Variants in CNDP2 observed in about 807,000 individuals in gnomAD.
CNDP2 encodes the protein carnosine dipeptidase 2.
In CNDP2, 38 loss-of-function variants were observed where a neutral mutation model predicts 55.0. The ratio of observed to expected loss-of-function variants is 0.69; its 90% CI spans 0.53 to 0.90. The LOEUF (loss-of-function observed/expected upper bound fraction) is 0.90. CNDP2 is among the 40% of genes least tolerant of loss of function. The pLI is 0.00. For synonymous variants in CNDP2, 241 were observed against 260.2 expected (o/e 0.93, Z 0.71); for missense variants, 607 against 621.7 (o/e 0.98, Z 0.25).
At chr18:74,510,190 G>C (rs1305152624) in intron 5 of CNDP2, among the ~76,000 whole-genome samples, 1 of 152,236 alleles carries the variant, frequency 6.6e-6, no homozygotes, top group Non-Finnish European at 1.5e-5. Flanking sequence ...GAACAGGGCT[G>C]TCTGGGGGCA....
intron 4 of CNDP2, 47 bp from the exon 5 acceptor site, chr18:74,508,793 G>T: frequency 6.6e-7 from 1 of 1,511,338 alleles, no homozygotes; most frequent in Non-Finnish European, 9.2e-7. Flanking sequence ...GCTGCTTCTG[G>T]GTTCCTTGTA....
At chr18:74,499,174 CTG>C (rs1275981931) in intron 1 of CNDP2, among the ~76,000 whole-genome samples, 1 of 152,216 alleles carries the variant, frequency 6.6e-6, no homozygotes, top group African/African-American at 2.4e-5. Context: ...CTCCGTACAG[CTG>C]TGTGCTTTCT....
chr18:74,499,318 C>G (rs1470531189), intron 1 of CNDP2: 1 of 152,406 alleles, frequency 6.6e-6, no homozygotes, highest in African/African-American at 2.4e-5. Flanking sequence ...TGCTGGGTGT[C>G]ACACATGGAA....
In CNDP2 at chr18:74,519,209, C is replaced by A. The variant is rs8084887; in HGVS notation, c.1358+113C>A. 1,353 of 1,329,530 alleles carry A rather than the reference C, an allele frequency of 1.0e-3. 1 individual carries two copies. Among genetic ancestry groups the A allele is most frequent in the Non-Finnish European group, 1.3e-3 (1,282 of 990,880 alleles). The allele number at this position is 1,329,530 out of a possible 1,614,324, so 82.4% of individuals were successfully genotyped here. ...GAGAAGCAGGTGGGGGTGATGGCCC[C>A]GTGACCTGCCCTCCTGTATTTGTGT... is the stretch of plus-strand genomic sequence containing the variant. On this transcript the variant is annotated intron_variant, in intron 11 of 11. Transcript: ENST00000324262.
At chr18:74,519,150 G>T in intron 11 of CNDP2, 54 bp downstream of exon 11, 2 of 1,534,144 alleles carry the variant, frequency 1.3e-6, no homozygotes, top group Non-Finnish European at 8.8e-7. Context: ...CGTCCCTCTC[G>T]CCCCTTCCCC....
chr18:74,518,911 C>G, intron 10 of CNDP2, 38 bp from the exon 11 acceptor site: 3 of 1,607,008 alleles, frequency 1.9e-6, no homozygotes, highest in Non-Finnish European at 2.5e-6. Flanking sequence ...CCTTAGGGCC[C>G]CAAAGCTCAC....
At chr18:74,505,598 C>CAAAAATAAAAAAAA (rs1978966042) in intron 3 of CNDP2, among the ~76,000 whole-genome samples, 1 of 123,188 alleles carries the variant, frequency 8.1e-6, no homozygotes, top group African/African-American at 3.0e-5. Context: ...GATTCTGTCT[C>CAAAAATAAAAAAAA]AAAAAAAAAA....
At position 74,501,419 on chromosome 18, in the gene CNDP2, G is replaced by A; in HGVS notation, c.151G>A (p.Asp51Asn). 1 of 1,614,172 alleles carries A rather than the reference G, an allele frequency of 6.2e-7. No homozygotes were observed. Reference sequence around the variant, plus strand: ...GAGGATGATGGAAGTTGCTGCTGCAGATGTTAAGCAGTTGGGGGGCTCTGT... The same window carrying A: ...GAGGATGATGGAAGTTGCTGCTGCAAATGTTAAGCAGTTGGGGGGCTCTGT... ...IRRMMEVAAA[D>N]VKQLGGSVEL... The change falls in exon 3 of 12, where the codon GAT becomes AAT. Residue 51 changes from aspartate to asparagine, a missense_variant. Asp to Asn is a conservative substitution (Grantham distance 23). Coordinates refer to ENST00000324262, the MANE Select transcript of CNDP2 (RefSeq NM_018235.3).
chr18:74,500,777 G>A (rs1978646272), intron 2 of CNDP2, among the ~76,000 whole-genome samples: 1 of 152,178 alleles, frequency 6.6e-6, no homozygotes, highest in Non-Finnish European at 1.5e-5. Context: ...CGAGCTCCCT[G>A]AGTGCACAAT....
chr18:74,502,556 G>GCAT (rs1215279775), intron 3 of CNDP2, among the ~76,000 whole-genome samples: 1 of 151,386 alleles, frequency 6.6e-6, no homozygotes, highest in Non-Finnish European at 1.5e-5. Flanking sequence ...ACCTGCCTTG[G>GCAT]CATCCCAAAT....
At chr18:74,513,101 C>G (rs1018016215) in intron 7 of CNDP2, among the ~76,000 whole-genome samples, 2 of 152,248 alleles carry the variant, frequency 1.3e-5, no homozygotes, top group South Asian at 2.1e-4. Flanking sequence ...GTTTACCCCC[C>G]TCAGCTCAGG....
intron 3 of CNDP2, 27 bp from the exon 4 acceptor site, chr18:74,505,818 TGTCC>T: frequency 1.2e-6 from 2 of 1,612,340 alleles, no homozygotes; most frequent in Non-Finnish European, 1.7e-6. Context: ...AAACAAAGGC[TGTCC>T]TTGGTTCCTT....
rs1204885798 is a variant in CNDP2, at chr18:74,513,636, C to T, written c.820C>T (p.His274Tyr). 6.2e-7 allele frequency: 1 copy of T among 1,613,966 alleles called. No homozygotes were observed. The highest frequency in any genetic ancestry group is 1.7e-5 in the Admixed American group (1 of 60,004). ...CGTGGCCGCCGTCACGGAAGAGGAG[C>T]ACAAGCTGTACGACGACATCGACTT... The part of the protein sequence containing the change: ...EAVAAVTEEE[H>Y]KLYDDIDFDI... Residue 274 changes from histidine (H) to tyrosine (Y), a missense_variant, in exon 8 of 12, where the codon CAC (histidine) becomes TAC (tyrosine). By Grantham distance (83) the His-to-Tyr change is moderately conservative. Coordinates refer to ENST00000324262, the MANE Select transcript of CNDP2 (RefSeq NM_018235.3).
intron 6 of CNDP2, chr18:74,512,072 G>A (rs564697499): frequency 3.5e-4 from 68 of 194,582 alleles, no homozygotes; most frequent in African/African-American, 1.3e-3. Context: ...GGCGAGGTCC[G>A]ACCCCAGGTC....
At position 74,523,273 on chromosome 18, in the gene CNDP2, G is replaced by A. The variant is rs1250520575; in HGVS notation, c.*3205G>A. On this transcript the variant is annotated 3_prime_UTR_variant, in exon 12 of 12. Coordinates refer to ENST00000324262, the MANE Select transcript of CNDP2 (RefSeq NM_018235.3). ...GACTAACGGCTGGTTCTGTGAACTT[G>A]AGCCTCAGCGTCCTGTGTCAGAAGA... is the stretch of plus-strand genomic sequence containing the variant. The A allele has an allele frequency of 6.6e-6, 1 of 152,216 alleles. No individual in the cohort carries two copies. Among genetic ancestry groups the A allele is most frequent in the Admixed American group, 6.5e-5 (1 of 15,280 alleles). 9.4% of individuals were successfully genotyped at this position (152,216 alleles called of 1,614,324 possible).
At chr18:74,509,952 A>G (rs1979246896) in intron 5 of CNDP2, among the ~76,000 whole-genome samples, 1 of 152,208 alleles carries the variant, frequency 6.6e-6, no homozygotes, top group South Asian at 2.1e-4. Flanking sequence ...GGGAGGTGAC[A>G]CCCAGAACCA....
At chr18:74,501,086 G>A in intron 2 of CNDP2, 1 of 843,086 alleles carries the variant, frequency 1.2e-6, no homozygotes, top group Non-Finnish European at 1.5e-6. Context: ...TTTTTTTTTT[G>A]TTTGTTTTTA....
In CNDP2 at chr18:74,496,379, C is replaced by G. The variant is rs1202860705; in HGVS notation, c.-145C>G. On this transcript the variant is annotated 5_prime_UTR_variant, in exon 1 of 12. Transcript: ENST00000324262. ...GCCGGGACACGTGGTACGGAACCGG[C>G]GCCGCGCTTGCTGCTGGTAACAGGG... The G allele has an allele frequency of 6.6e-6, 1 of 152,452 alleles. No individual in the cohort carries two copies. Among genetic ancestry groups the G allele is most frequent in the Non-Finnish European group, 1.5e-5 (1 of 68,150 alleles). 9.4% of individuals were successfully genotyped at this position (152,452 alleles called of 1,614,324 possible).
intron 6 of CNDP2, among the ~76,000 whole-genome samples, chr18:74,511,694 C>T (rs1485256226): frequency 2.1e-5 from 3 of 144,024 alleles, no homozygotes; most frequent in Non-Finnish European, 4.5e-5. Flanking sequence ...AGCTACAGAG[C>T]GAGACTCCAC....
Sources: gnomAD v4.1 joint callset for allele counts (sites outside exome capture counted in the v4.1 genomes callset) on GRCh38, gnomAD v4.1.1 for gene constraint, MANE v1.5 for transcripts, NCBI Gene and HGNC (gene_info 2026-07-23, HGNC 2026-07-21) for gene names.